Variants in KIRREL3 observed in about 807,000 individuals in gnomAD.
The protein encoded by KIRREL3 is kirre like nephrin family adhesion molecule 3, also known as kin of IRRE-like protein 3.
In KIRREL3, 36 loss-of-function variants were observed where a neutral mutation model predicts 89.7. The observed-to-expected ratio is 0.40, with a 90% confidence interval of 0.31 to 0.53. KIRREL3 has a LOEUF of 0.53. Among genes scored for constraint, KIRREL3 ranks in the 20% least tolerant of loss-of-function variants. KIRREL3 has a pLI of 0.49. For missense variants in KIRREL3, 864 were observed against 1,056.6 expected, an observed-to-expected ratio of 0.82 and a Z score of 2.53; for synonymous variants, 445 against 441.4, an observed-to-expected ratio of 1.01 and a Z score of -0.10.
chr11:126,463,142 G>A lies in KIRREL3; in HGVS notation c.742+15C>T, dbSNP rs1429394047. On this transcript the variant is annotated intron_variant, in intron 6 of 16. Coordinates refer to ENST00000525144, the MANE Select transcript of KIRREL3 (RefSeq NM_032531.4). This position sits in a 1 kb window ranked among gnomAD's most constrained non-coding sequence, Gnocchi z 5.9. ...GCCTGGCAGGGCTGGGTTGGGGGAG[G>A]GGGTGGGTACTCACGCTGGATGTCA... 1 of 1,610,558 alleles carries A rather than the reference G, an allele frequency of 6.2e-7. No individual in the cohort carries two copies. Among genetic ancestry groups the A allele is most frequent in the Non-Finnish European group, 8.5e-7 (1 of 1,178,356 alleles).
chr11:126,834,391 C>T (rs1798366025), intron 1 of KIRREL3, among the ~76,000 whole-genome samples: 1 of 152,158 alleles, frequency 6.6e-6, no homozygotes, highest in African/African-American at 2.4e-5. Flanking sequence ...CAATTTGGGC[C>T]TAAGAGAAAA....
chr11:126,823,508 T>A (rs1943296147), intron 1 of KIRREL3, among the ~76,000 whole-genome samples: 2 of 152,152 alleles, frequency 1.3e-5, no homozygotes, highest in Non-Finnish European at 2.9e-5. Flanking sequence ...GGACCCTAAA[T>A]GAGCTCATGT....
At position 126,449,073 on chromosome 11, in the gene KIRREL3, G is replaced by C. The variant is rs373386744; in HGVS notation, c.933C>G (p.Pro311=). The C allele has an allele frequency of 1.1e-5, 17 of 1,613,952 alleles. No individual in the cohort carries two copies. The Admixed American group carries it at 1.5e-4, about 14-fold the overall frequency. ...TTVDYTYFSE[P]VSCEVTNALG... ...GGGCGTTGGTCACCTCACAGGAGAC[G>C]GGCTCTGAGAAGTACGTGTAGTCCA... Residue 311 remains proline (P), a synonymous_variant, in exon 8 of 17, where the codon CCC becomes CCG. Coordinates refer to ENST00000525144, the MANE Select transcript of KIRREL3 (RefSeq NM_032531.4).
rs891794391 is a variant in KIRREL3, at chr11:126,805,525, C to A, written c.55+194930G>T. 6.6e-6 allele frequency among the ~76,000 whole-genome samples: 1 copy of A among 152,192 alleles called. No homozygotes were observed. The highest frequency in any genetic ancestry group is 1.5e-5 in the Non-Finnish European group (1 of 68,034). ...CGCTGTCCCATCACAGGAAAAGAAA[C>A]CTTGAGCTGATTGCAGACTGTCTCT... On this transcript the variant is annotated intron_variant, in intron 1 of 16. Transcript: ENST00000525144. The surrounding 1 kb of genome is among the most constrained non-coding windows in gnomAD (Gnocchi z 4.3).
intron 1 of KIRREL3, among the ~76,000 whole-genome samples, chr11:126,730,388 T>C (rs1948567683): frequency 6.6e-6 from 1 of 152,224 alleles, no homozygotes; most frequent in Non-Finnish European, 1.5e-5. Flanking sequence ...CTCCTCACCC[T>C]ATACGTCTGG....
Position 126,443,331 on chromosome 11 carries a change from G to A in KIRREL3, c.1252+1648C>T, listed in dbSNP as rs530596481. ...GGGCCGCTGATTTCACTGGGGCCTG[G>A]AGCTCTGAGCCGAGTGTCAGACACC... On this transcript the variant is annotated intron_variant, in intron 10 of 16. Transcript: ENST00000525144. This position sits in a 1 kb window ranked among gnomAD's most constrained non-coding sequence, Gnocchi z 7.3. 2.7e-4 allele frequency among the ~76,000 whole-genome samples: 41 copies of A among 152,342 alleles called. No homozygotes were observed. Among genetic ancestry groups the A allele is most frequent in the African/African-American group, 9.6e-4 (40 of 41,570 alleles).
rs1944950494 is a variant in KIRREL3 at position 126,652,598 on chromosome 11, G to A, written c.56-89686C>T. ...ACTCAATCTATAGGTAGCGGGGCTG[G>A]GTTCCTAAGGATGTCTGATTCTGAA... On this transcript the variant is annotated intron_variant, in intron 1 of 16. Transcript: ENST00000525144. The surrounding 1 kb of genome is among the most constrained non-coding windows in gnomAD (Gnocchi z 4.9). 6.6e-6 allele frequency among the ~76,000 whole-genome samples: 1 copy of A among 152,086 alleles called. No homozygotes were observed. The highest frequency in any genetic ancestry group is 1.5e-5 in the Non-Finnish European group (1 of 68,012).
intron 1 of KIRREL3, among the ~76,000 whole-genome samples, chr11:126,751,827 G>A (rs1949346656): frequency 6.6e-6 from 1 of 152,164 alleles, no homozygotes. Flanking sequence ...TGTTAGCCAA[G>A]GTAGTAGAAT....
At chr11:126,512,857 C>A (rs1187870963) in intron 4 of KIRREL3, among the ~76,000 whole-genome samples, 2 of 152,160 alleles carry the variant, frequency 1.3e-5, no homozygotes, top group Non-Finnish European at 2.9e-5. Context: ...GAGAGAGAAT[C>A]ACAGTCAACC....
intron 1 of KIRREL3, among the ~76,000 whole-genome samples, chr11:126,886,968 T>A: frequency 6.6e-6 from 1 of 151,902 alleles, no homozygotes; most frequent in Admixed American, 6.5e-5. Flanking sequence ...GAAAAAAGGA[T>A]AATTGTTCTG....
At chr11:126,749,905 C>A (rs368324172) in intron 1 of KIRREL3, among the ~76,000 whole-genome samples, 1 of 152,124 alleles carries the variant, frequency 6.6e-6, no homozygotes, top group Non-Finnish European at 1.5e-5. Context: ...GTGTGGAGAC[C>A]GAATCAGGGC....
intron 2 of KIRREL3, among the ~76,000 whole-genome samples, chr11:126,556,106 C>T (rs1939687237): frequency 6.6e-6 from 1 of 152,162 alleles, no homozygotes; most frequent in South Asian, 2.1e-4. Flanking sequence ...GTCAAATTTG[C>T]ATTTCGAAAC....
At chr11:126,781,575 T>A (rs1950326742) in intron 1 of KIRREL3, among the ~76,000 whole-genome samples, 1 of 152,214 alleles carries the variant, frequency 6.6e-6, no homozygotes, top group South Asian at 2.1e-4. Context: ...TTTTTAAGGT[T>A]CCTCCTCACA....
intron 8 of KIRREL3, among the ~76,000 whole-genome samples, chr11:126,447,339 G>A (rs547578566): frequency 5.7e-4 from 87 of 152,272 alleles, no homozygotes; most frequent in African/African-American, 2.0e-3. Context: ...CTGCCTTCAA[G>A]CTAGCTGCCA....
In KIRREL3 at chr11:126,931,509, G is replaced by T. The variant is rs1386816227; in HGVS notation, c.55+68946C>A. Among the ~76,000 whole-genome samples, 1 of 152,188 alleles carries T rather than the reference G, an allele frequency of 6.6e-6. No homozygotes were observed. The highest frequency in any genetic ancestry group is 1.5e-5 in the Non-Finnish European group (1 of 68,040). On this transcript the variant is annotated intron_variant, in intron 1 of 16. Transcript: ENST00000525144. The surrounding 1 kb of genome is among the most constrained non-coding windows in gnomAD (Gnocchi z 5.1). ...TAGCATTGTGGCATCCAGACTTTGA[G>T]ACAATCTTAAATACGTTCTTCTGAA...
At position 126,636,867 on chromosome 11, in the gene KIRREL3, C is replaced by T. The variant is rs1332274880; in HGVS notation, c.56-73955G>A. Among the ~76,000 whole-genome samples, 1 of 152,204 alleles carries T rather than the reference C, an allele frequency of 6.6e-6. No individual in the cohort carries two copies. Among genetic ancestry groups the T allele is most frequent in the Non-Finnish European group, 1.5e-5 (1 of 68,044 alleles). The stretch of plus-strand genomic sequence containing the variant: ...TTAGGCAAGGCACTTAATGCCATTG[C>T]ATGCCATTGTCACATCAATACAATG... On this transcript the variant is annotated intron_variant, in intron 1 of 16. Transcript: ENST00000525144. This position sits in a 1 kb window ranked among gnomAD's most constrained non-coding sequence, Gnocchi z 4.4.
At chr11:126,435,897 G>C (rs1167404451) in intron 12 of KIRREL3, among the ~76,000 whole-genome samples, 1 of 151,940 alleles carries the variant, frequency 6.6e-6, no homozygotes, top group African/African-American at 2.4e-5. Flanking sequence ...CAGAGGCCCA[G>C]GCCCAGCTGA....
At chr11:126,751,214 C>T (rs1442585127) in intron 1 of KIRREL3, among the ~76,000 whole-genome samples, 2 of 152,190 alleles carry the variant, frequency 1.3e-5, no homozygotes, top group Non-Finnish European at 2.9e-5. Context: ...TCCTCTAGGT[C>T]TAAAAGGAAG....
intron 1 of KIRREL3, among the ~76,000 whole-genome samples, chr11:126,698,087 G>A (rs1050724609): frequency 1.3e-5 from 2 of 152,192 alleles, no homozygotes; most frequent in African/African-American, 4.8e-5. Context: ...CTCCTAAATG[G>A]AGCGCAGATG....
Sources: gnomAD v4.1 joint callset for allele counts (sites outside exome capture counted in the v4.1 genomes callset) on GRCh38, gnomAD v4.1.1 for gene constraint, Gnocchi (gnomAD v3.1) non-coding constraint, MANE v1.5 for transcripts, NCBI Gene and HGNC (gene_info 2026-07-23, HGNC 2026-07-21) for gene names.